The following APBB2 variants were observed in gnomAD, a reference collection of about 807,000 sequenced individuals.
APBB2 encodes amyloid beta precursor protein binding family B member 2, also known as Fe65-like 1.
In APBB2, 38 loss-of-function variants were observed where a neutral mutation model predicts 82.5. The ratio of observed to expected loss-of-function variants is 0.46; its 90% CI spans 0.36 to 0.60. The LOEUF is 0.60. Ranked by LOEUF, APBB2 falls within the 20% of genes least tolerant of loss-of-function variation. APBB2 has a pLI of 0.00. For missense variants in APBB2, 772 were observed against 972.3 expected, an observed-to-expected ratio of 0.79 and a Z score of 2.74; for synonymous variants, 341 against 368.2, an observed-to-expected ratio of 0.93 and a Z score of 0.85.
intron 10 of APBB2, among the ~76,000 whole-genome samples, chr4:40,918,592 G>C (rs371065827): frequency 6.6e-6 from 1 of 152,146 alleles, no homozygotes; most frequent in Non-Finnish European, 1.5e-5. Context: ...ACGAACACTG[G>C]GGGGAGAAGC....
intron 13 of APBB2, 35 bp downstream of exon 13, chr4:40,830,428 A>G (rs1751484313): frequency 1.4e-6 from 2 of 1,446,134 alleles, no homozygotes; most frequent in East Asian, 2.3e-5. Context: ...AGAAAAAAAG[A>G]GAGAGGCGGC....
In APBB2 at chr4:40,956,380, G is replaced by T. The variant is rs557755143; in HGVS notation, c.836-11307C>A. Among the ~76,000 whole-genome samples the T allele has an allele frequency of 4.6e-5, 7 of 152,304 alleles. No homozygotes were observed. The East Asian group carries it at 1.4e-3, about 29-fold the overall frequency. ...GGAATCGGCAGAAACACTGACTATGGTAAGAAAGGGACAGGCCCCAAAGTG... is the reference window on the plus strand; with the variant it reads ...GGAATCGGCAGAAACACTGACTATGTTAAGAAAGGGACAGGCCCCAAAGTG... On this transcript the variant is annotated intron_variant, in intron 6 of 17. Coordinates refer to ENST00000508593, the MANE Select transcript of APBB2 (RefSeq NM_004307.2).
At chr4:41,153,173 C>T (rs75375897) in intron 1 of APBB2, among the ~76,000 whole-genome samples, 6,256 of 152,118 alleles carry the variant, frequency 0.041, 144 homozygotes, top group Middle Eastern at 0.058. Context: ...TTTGTGTTTG[C>T]TTACACATAA....
At chr4:40,821,773 A>C in intron 17 of APBB2, 98 bp downstream of exon 17, 1 of 1,408,480 alleles carries the variant, frequency 7.1e-7, no homozygotes. Context: ...TAGGGATTCG[A>C]CTTTTTTCAT....
chr4:40,991,414 C>T (rs191272882), intron 6 of APBB2, among the ~76,000 whole-genome samples: 36 of 152,126 alleles, frequency 2.4e-4, no homozygotes, highest in African/African-American at 7.0e-4. Context: ...ACACCCCTTA[C>T]GATAACCTAT....
intron 1 of APBB2, among the ~76,000 whole-genome samples, chr4:41,149,259 C>T (rs1328446622): frequency 6.6e-6 from 1 of 151,854 alleles, no homozygotes; most frequent in East Asian, 1.9e-4. Context: ...AGAAGTATTT[C>T]CTGTAGTCAT....
At chr4:40,857,284 G>A (rs1690521219) in intron 12 of APBB2, 1 of 580,470 alleles carries the variant, frequency 1.7e-6, no homozygotes, top group Non-Finnish European at 2.2e-6. Flanking sequence ...CCCGCTAGGT[G>A]CTCCCGCCAG....
chr4:41,091,452 AG>A (rs2153954326), intron 3 of APBB2, among the ~76,000 whole-genome samples: 1 of 152,332 alleles, frequency 6.6e-6, no homozygotes, highest in African/African-American at 2.4e-5. Flanking sequence ...ATTTTTGTGA[AG>A]ATGTCAACAT....
At chr4:41,029,347 CTG>C (rs1648655638) in intron 5 of APBB2, among the ~76,000 whole-genome samples, 1 of 152,212 alleles carries the variant, frequency 6.6e-6, no homozygotes, top group South Asian at 2.1e-4. Context: ...GATAAGAACT[CTG>C]TGAACAAAAG....
At chr4:40,949,935 G>C (rs1158742538) in intron 6 of APBB2, among the ~76,000 whole-genome samples, 1 of 152,188 alleles carries the variant, frequency 6.6e-6, no homozygotes, top group Non-Finnish European at 1.5e-5. Context: ...TGTGTCATGT[G>C]CAACAGTCCT....
At chr4:41,051,353 A>G (rs1725864964) in intron 4 of APBB2, among the ~76,000 whole-genome samples, 1 of 152,232 alleles carries the variant, frequency 6.6e-6, no homozygotes, top group Admixed American at 6.5e-5. Flanking sequence ...GTTAGGACAC[A>G]CTTACATGGA....
rs1386389411 is a variant in APBB2, at chr4:40,832,011, T to TAGACACACAC, written c.1530-1435_1530-1434insGTGTGTGTCT. Among the ~76,000 whole-genome samples, 1 of 49,528 alleles carries TAGACACACAC rather than the reference T, an allele frequency of 2.0e-5. No homozygotes were observed. The highest frequency in any genetic ancestry group is 7.6e-4 in the South Asian group (1 of 1,316). The allele number at this position is 49,528 out of a possible 152,430, so 32.5% of individuals were successfully genotyped here. ...ACACACATATTTATATATTTATTTA[T>TAGACACACAC]ATACACACACACACACACACACACA... is the stretch of plus-strand genomic sequence containing the variant. On this transcript the variant is annotated intron_variant, in intron 12 of 17. Transcript: ENST00000508593. This position sits in a 1 kb window ranked among gnomAD's most constrained non-coding sequence, Gnocchi z 4.8.
intron 4 of APBB2, among the ~76,000 whole-genome samples, chr4:41,043,249 A>AT (rs1243815313): frequency 6.6e-6 from 1 of 152,222 alleles, no homozygotes; most frequent in Non-Finnish European, 1.5e-5. Flanking sequence ...AACAAGTTAA[A>AT]TGTCCATCAT....
chr4:40,950,094 C>T (rs1420222752), intron 6 of APBB2, among the ~76,000 whole-genome samples: 1 of 152,132 alleles, frequency 6.6e-6, no homozygotes, highest in African/African-American at 2.4e-5. Flanking sequence ...TAATAAAAAG[C>T]CTGCAGAGCA....
intron 3 of APBB2, among the ~76,000 whole-genome samples, chr4:41,099,080 CA>C (rs1393977395): frequency 2.6e-5 from 4 of 151,730 alleles, no homozygotes; most frequent in East Asian, 3.9e-4. Flanking sequence ...TTCACTGTAA[CA>C]AAAAAATATA....
chr4:40,889,586 A>G (rs1771370449), intron 12 of APBB2, among the ~76,000 whole-genome samples: 1 of 152,352 alleles, frequency 6.6e-6, no homozygotes, highest in East Asian at 1.9e-4. Flanking sequence ...AGGAATTGCC[A>G]AAGACTGACT....
chr4:41,110,857 G>T (rs932867086), intron 2 of APBB2, among the ~76,000 whole-genome samples: 3 of 152,132 alleles, frequency 2.0e-5, no homozygotes, highest in Non-Finnish European at 4.4e-5. Context: ...GGTTGGAGGG[G>T]TTTAGGATAA....
At chr4:40,890,807 A>G (rs1238400433) in intron 11 of APBB2, 2 of 223,148 alleles carry the variant, frequency 9.0e-6, no homozygotes, top group Admixed American at 5.6e-5. Context: ...TCCCTGGAGA[A>G]TACGTCTTTT....
chr4:40,835,133 G>T (rs554935098), intron 12 of APBB2, among the ~76,000 whole-genome samples: 1 of 151,922 alleles, frequency 6.6e-6, no homozygotes, highest in East Asian at 1.9e-4. Flanking sequence ...AAACTTAGCC[G>T]GGCGTGGTGG....
Sources: gnomAD v4.1 joint callset for allele counts (sites outside exome capture counted in the v4.1 genomes callset) on GRCh38, gnomAD v4.1.1 for gene constraint, Gnocchi (gnomAD v3.1) non-coding constraint, MANE v1.5 for transcripts, NCBI Gene and HGNC (gene_info 2026-07-23, HGNC 2026-07-21) for gene names.